Variants in EXOC4 observed in about 807,000 individuals in gnomAD.
EXOC4 encodes SEC8-like 1.
A neutral mutation model predicts 107.2 loss-of-function variants in EXOC4; 71 were observed. The observed-to-expected ratio is 0.66, with a 90% CI of 0.55 to 0.81. The LOEUF (loss-of-function observed/expected upper bound fraction) is 0.81, where lower values mean the gene tolerates loss of function less well. EXOC4 is among the 30% of genes least tolerant of loss of function. The pLI is 0.00. For missense variants in EXOC4, 1,108 were observed against 1,189.6 expected (o/e 0.93, Z 1.01); for synonymous variants, 456 against 441.2 (o/e 1.03, Z -0.42).
intron 7 of EXOC4, among the ~76,000 whole-genome samples, chr7:133,415,000 C>G (rs1797442969): frequency 6.6e-6 from 1 of 152,140 alleles, no homozygotes; most frequent in South Asian, 2.1e-4. Context: ...TATGTATTTG[C>G]CTACTGACAT....
intron 11 of EXOC4, among the ~76,000 whole-genome samples, chr7:133,830,915 T>C (rs1318564861): frequency 2.6e-5 from 4 of 152,196 alleles, no homozygotes; most frequent in Admixed American, 2.6e-4. Flanking sequence ...CTCTCTTAAA[T>C]GTGATAGTTT....
chr7:134,049,759 G>A (rs181177347), intron 17 of EXOC4, among the ~76,000 whole-genome samples: 1 of 152,282 alleles, frequency 6.6e-6, no homozygotes, highest in East Asian at 1.9e-4. Context: ...TGCATCCACA[G>A]TATCTACTGT....
chr7:133,544,977 T>C (rs1343719222), intron 9 of EXOC4, among the ~76,000 whole-genome samples: 2 of 152,060 alleles, frequency 1.3e-5, no homozygotes, highest in Non-Finnish European at 2.9e-5. Context: ...TTCATTTCAC[T>C]TTGGGCCTTT....
At chr7:133,804,223 A>T (rs1797017630) in intron 10 of EXOC4, among the ~76,000 whole-genome samples, 1 of 152,168 alleles carries the variant, frequency 6.6e-6, no homozygotes, top group African/African-American at 2.4e-5. Context: ...GAAAGATACC[A>T]ACAGTGATAT....
intron 13 of EXOC4, among the ~76,000 whole-genome samples, chr7:133,923,168 G>A (rs1289052813): frequency 2.3e-5 from 3 of 131,746 alleles, no homozygotes; most frequent in Admixed American, 8.5e-5. Context: ...TTCGCCCTTC[G>A]CCCAGGCTGT....
At chr7:133,924,364 A>G (rs1800005416) in intron 13 of EXOC4, among the ~76,000 whole-genome samples, 2 of 152,180 alleles carry the variant, frequency 1.3e-5, no homozygotes, top group Non-Finnish European at 2.9e-5. Flanking sequence ...TATGCTTGAC[A>G]ATGGGATTTT....
At chr7:133,440,365 C>G (rs1798077099) in intron 7 of EXOC4, among the ~76,000 whole-genome samples, 2 of 152,092 alleles carry the variant, frequency 1.3e-5, no homozygotes, top group South Asian at 2.1e-4. Flanking sequence ...CCCACCCCCC[C>G]ATTACCTATT....
chr7:133,253,515 A>G, intron 1 of EXOC4: 1 of 1,047,332 alleles, frequency 9.5e-7, no homozygotes, highest in Non-Finnish European at 1.2e-6. Flanking sequence ...GATTCCTAAA[A>G]TGCTTGTTTA....
intron 5 of EXOC4, among the ~76,000 whole-genome samples, chr7:133,355,363 G>A (rs1378279210): frequency 6.6e-6 from 1 of 152,046 alleles, no homozygotes; most frequent in Non-Finnish European, 1.5e-5. Context: ...TCTTAATCCA[G>A]CCATTTGTAA....
At chr7:133,459,919 T>C (rs747681139) in intron 7 of EXOC4, among the ~76,000 whole-genome samples, 1 of 152,200 alleles carries the variant, frequency 6.6e-6, no homozygotes, top group Non-Finnish European at 1.5e-5. Flanking sequence ...TATATATTGC[T>C]TTTAAATAAA....
chr7:134,093,102 T>C, the EXOC4 span, among the ~76,000 whole-genome samples: 1 of 152,104 alleles, frequency 6.6e-6, no homozygotes, highest in Non-Finnish European at 1.5e-5. Context: ...ACCTTGAATG[T>C]AAATGGTCTA....
intron 12 of EXOC4, among the ~76,000 whole-genome samples, chr7:133,911,932 A>G (rs1286980395): frequency 6.6e-6 from 1 of 152,216 alleles, no homozygotes; most frequent in Non-Finnish European, 1.5e-5. Flanking sequence ...CACAGCCAAG[A>G]TTCTTTCTAG....
chr7:133,932,508 T>G (rs1447720415), intron 13 of EXOC4, among the ~76,000 whole-genome samples: 3 of 152,218 alleles, frequency 2.0e-5, no homozygotes, highest in Non-Finnish European at 4.4e-5. Context: ...ATGTACCATA[T>G]ACTGACTGAG....
chr7:133,694,694 A>G (rs544323503), intron 10 of EXOC4, among the ~76,000 whole-genome samples: 1 of 152,310 alleles, frequency 6.6e-6, no homozygotes, highest in East Asian at 1.9e-4. Flanking sequence ...CTGTCACTGT[A>G]AACATTTTTC....
At chr7:133,330,884 G>A (rs1584819891) in intron 5 of EXOC4, among the ~76,000 whole-genome samples, 1 of 151,800 alleles carries the variant, frequency 6.6e-6, no homozygotes, top group Non-Finnish European at 1.5e-5. Flanking sequence ...GCAAACCGGA[G>A]CTGTTCCTAT....
intron 10 of EXOC4, among the ~76,000 whole-genome samples, chr7:133,803,905 AG>A (rs1400003391): frequency 6.6e-6 from 1 of 152,202 alleles, no homozygotes; most frequent in Admixed American, 6.5e-5. Flanking sequence ...GAAGGAACAA[AG>A]AACTGTAGGA....
At chr7:133,253,388 A>G in intron 1 of EXOC4, 6 of 1,339,254 alleles carry the variant, frequency 4.5e-6, no homozygotes, top group Non-Finnish European at 5.7e-6. Context: ...AGCTATAGAG[A>G]GAGGAGCCCC....
At chr7:133,563,396 CTG>C in intron 9 of EXOC4, among the ~76,000 whole-genome samples, 1 of 152,302 alleles carries the variant, frequency 6.6e-6, no homozygotes, top group East Asian at 1.9e-4. Context: ...CTGCTGTTGG[CTG>C]TGCGGTTTCT....
At chr7:133,888,638 T>C (rs942634745) in intron 11 of EXOC4, among the ~76,000 whole-genome samples, 1 of 152,228 alleles carries the variant, frequency 6.6e-6, no homozygotes, top group Admixed American at 6.5e-5. Flanking sequence ...TCCTTTCAGA[T>C]AGTTTTTTTA....
Sources: gnomAD v4.1 joint callset for allele counts (sites outside exome capture counted in the v4.1 genomes callset) on GRCh38, gnomAD v4.1.1 for gene constraint, MANE v1.5 for transcripts, NCBI Gene and HGNC (gene_info 2026-07-23, HGNC 2026-07-21) for gene names.